Variants in SOCS6 observed in about 807,000 individuals in gnomAD.
SOCS6 encodes suppressor of cytokine signaling 6.
A neutral mutation model predicts 27.7 loss-of-function variants in SOCS6; 5 were observed. That is an observed-to-expected ratio of 0.18 (90% confidence interval 0.09 to 0.38). The LOEUF is 0.38. Ranked by LOEUF, SOCS6 falls within the 10% of genes least tolerant of loss-of-function variation. The probability of loss-of-function intolerance (pLI) is 1.00; values close to 1 mark genes in which losing one functional copy is unlikely to be tolerated. For missense variants in SOCS6, 595 were observed against 688.1 expected, an observed-to-expected ratio of 0.86 and a Z score of 1.51; for synonymous variants, 271 against 260.0, an observed-to-expected ratio of 1.04 and a Z score of -0.41.
chr18:70,325,819 G>A lies in SOCS6; in HGVS notation c.1151G>A (p.Trp384Ter). The A allele has an allele frequency of 6.2e-7, 1 of 1,614,232 alleles. No individual in the cohort carries two copies. Among genetic ancestry groups the A allele is most frequent in the East Asian group, 2.2e-5 (1 of 44,884 alleles). The change falls in exon 2 of 2, where the codon TGG becomes TAG. Residue 384 changes from tryptophan (W) to a stop codon, truncating the protein, a stop_gained. Transcript: ENST00000397942. LOFTEE classifies it high-confidence loss of function. This position sits in a 1 kb window ranked among gnomAD's most constrained non-coding sequence, Gnocchi z 6.3. ...CTGAAAAAACTTGCAAAGCAAGGAT[G>A]GTACTGGGGACCAATCACACGTTGG... ...EELKKLAKQG[W>*]YWGPITRWEA...
At chr18:70,312,341 T>C (rs2062394044) in intron 1 of SOCS6, among the ~76,000 whole-genome samples, 1 of 152,120 alleles carries the variant, frequency 6.6e-6, no homozygotes, top group Admixed American at 6.5e-5. Context: ...TTTCAATTAA[T>C]GCAATAAGGA....
chr18:70,293,927 C>T (rs937633699), intron 1 of SOCS6, among the ~76,000 whole-genome samples: 6 of 151,996 alleles, frequency 3.9e-5, no homozygotes, highest in Non-Finnish European at 7.4e-5. Context: ...CCCGTCTCTA[C>T]TAAAAATACA....
At position 70,325,456 on chromosome 18, in the gene SOCS6, C is replaced by G. The variant is rs1257960686; in HGVS notation, c.788C>G (p.Pro263Arg). The change falls in exon 2 of 2, where the codon CCC (proline) becomes CGC (arginine). Residue 263 changes from proline to arginine, a missense_variant. By Grantham distance (103) the Pro-to-Arg change is moderately radical. Around this residue, in one of 2 missense-constraint regions of SOCS6, gnomAD observed 467 missense variants for 481.1 expected, o/e 0.97. Coordinates refer to ENST00000397942, the MANE Select transcript of SOCS6 (RefSeq NM_004232.4). This position sits in a 1 kb window ranked among gnomAD's most constrained non-coding sequence, Gnocchi z 6.3. Reference protein sequence around the residue: ...VPPQVGGRAFPEDESQVDQDL... With the variant: ...VPPQVGGRAFREDESQVDQDL... ...CCTCAAGTGGGAGGGCGCGCTTTCC[C>G]CGAGGATGAGAGTCAGGTAGACCAG... 1 of 1,614,122 alleles carries G rather than the reference C, an allele frequency of 6.2e-7. No homozygotes were observed. The highest frequency in any genetic ancestry group is 8.5e-7 in the Non-Finnish European group (1 of 1,180,026).
At position 70,326,704 on chromosome 18, in the gene SOCS6, A is replaced by C. The variant is rs1911223759; in HGVS notation, c.*428A>C. ...TCTTTTTAAATGGTCCATTTTCAAAAGACAGTGTTGAATAAACATACCTGT... is the reference window on the plus strand; with the variant it reads ...TCTTTTTAAATGGTCCATTTTCAAACGACAGTGTTGAATAAACATACCTGT... On this transcript the variant is annotated 3_prime_UTR_variant, in exon 2 of 2. Coordinates refer to ENST00000397942, the MANE Select transcript of SOCS6 (RefSeq NM_004232.4). 1 of 182,718 alleles carries C rather than the reference A, an allele frequency of 5.5e-6. No homozygotes were observed. Among genetic ancestry groups the C allele is most frequent in the Non-Finnish European group, 1.3e-5 (1 of 76,500 alleles). The allele number at this position is 182,718 out of a possible 1,614,324, so 11.3% of individuals were successfully genotyped here.
At chr18:70,301,909 C>T (rs2062349846) in intron 1 of SOCS6, among the ~76,000 whole-genome samples, 1 of 152,116 alleles carries the variant, frequency 6.6e-6, no homozygotes, top group Non-Finnish European at 1.5e-5. Context: ...TGAATTCACG[C>T]TAGGCAAAGG....
At chr18:70,295,181 A>T (rs1330315713) in intron 1 of SOCS6, among the ~76,000 whole-genome samples, 2 of 152,240 alleles carry the variant, frequency 1.3e-5, no homozygotes, top group Non-Finnish European at 2.9e-5. Flanking sequence ...ACTTGTGCTT[A>T]AAATACCTTT....
In SOCS6 at chr18:70,311,475, GT is replaced by G. The variant is rs201595846; in HGVS notation, c.-126-13061del. Among the ~76,000 whole-genome samples, 3 of 152,196 alleles carry G rather than the reference GT, an allele frequency of 2.0e-5. No homozygotes were observed. In the South Asian group the frequency reaches 6.2e-4, roughly 32 times the overall value. The stretch of plus-strand genomic sequence containing the variant: ...CAAGTAACTGAAACACAGAGACAGG[GT>G]TTTTTTACTTAGAGTGCCTTATTTT... On this transcript the variant is annotated intron_variant, in intron 1 of 1. Coordinates refer to ENST00000397942, the MANE Select transcript of SOCS6 (RefSeq NM_004232.4).
Position 70,329,424 on chromosome 18 carries a change from A to G in SOCS6, c.*3148A>G, listed in dbSNP as rs1433239368. 6.0e-6 allele frequency: 1 copy of G among 167,126 alleles called. No individual in the cohort carries two copies. The highest frequency in any genetic ancestry group is 1.5e-5 in the Non-Finnish European group (1 of 68,116). The allele number at this position is 167,126 out of a possible 1,614,324, so 10.4% of individuals were successfully genotyped here. On this transcript the variant is annotated 3_prime_UTR_variant, in exon 2 of 2. Coordinates refer to ENST00000397942, the MANE Select transcript of SOCS6 (RefSeq NM_004232.4). ...ATTACTGAAACAGGATAAAAGTTATAAAATCTAACATAGGTTAATGCAATG... is the reference window on the plus strand; with the variant it reads ...ATTACTGAAACAGGATAAAAGTTATGAAATCTAACATAGGTTAATGCAATG...
At chr18:70,317,006 C>T (rs2062414123) in intron 1 of SOCS6, among the ~76,000 whole-genome samples, 1 of 151,482 alleles carries the variant, frequency 6.6e-6, no homozygotes, top group Admixed American at 6.6e-5. Context: ...ATACAAAGGC[C>T]CAGTTATTTT....
Position 70,324,791 on chromosome 18 carries a change from C to G in SOCS6, c.123C>G (p.Ser41=). The change falls in exon 2 of 2, where the codon TCC becomes TCG. Residue 41 remains serine, a synonymous_variant. Transcript: ENST00000397942. ...CCAGTGACTTTGGAAAAGATGATTC[C>G]TTATTTGGTAGCTGCTATGGTAAAG... The part of the protein sequence containing the change: ...SLASDFGKDD[S]LFGSCYGKDM... 6.2e-7 allele frequency: 1 copy of G among 1,614,122 alleles called. No individual in the cohort carries two copies. Among genetic ancestry groups the G allele is most frequent in the Non-Finnish European group, 8.5e-7 (1 of 1,180,026 alleles).
chr18:70,302,240 G>C (rs2062351220), intron 1 of SOCS6, among the ~76,000 whole-genome samples: 1 of 135,638 alleles, frequency 7.4e-6, no homozygotes, highest in Non-Finnish European at 1.6e-5. Context: ...GATGGGAGCC[G>C]AGTCCAAGGT....
intron 1 of SOCS6, among the ~76,000 whole-genome samples, chr18:70,292,100 G>T (rs545520484): frequency 1.3e-5 from 2 of 152,108 alleles, no homozygotes; most frequent in African/African-American, 4.8e-5. Flanking sequence ...ATTTTACTTC[G>T]TTGGGGCAGT....
chr18:70,322,361 T>A (rs987846773), intron 1 of SOCS6, among the ~76,000 whole-genome samples: 1 of 152,202 alleles, frequency 6.6e-6, no homozygotes, highest in African/African-American at 2.4e-5. Context: ...CTTTTATAGT[T>A]TGTAATGTCT....
chr18:70,292,521 T>A (rs987751871), intron 1 of SOCS6, among the ~76,000 whole-genome samples: 2 of 152,282 alleles, frequency 1.3e-5, no homozygotes, highest in African/African-American at 2.4e-5. Flanking sequence ...TGATTTTTTT[T>A]AATTTTTGGT....
intron 1 of SOCS6, among the ~76,000 whole-genome samples, chr18:70,319,215 T>C (rs1330015220): frequency 1.3e-5 from 2 of 152,186 alleles, no homozygotes; most frequent in Admixed American, 1.3e-4. Context: ...AATAGTGTTC[T>C]CACAGGTTTA....
intron 1 of SOCS6, among the ~76,000 whole-genome samples, chr18:70,313,183 C>T (rs891377695): frequency 1.3e-5 from 2 of 151,988 alleles, no homozygotes; most frequent in African/African-American, 2.4e-5. Flanking sequence ...TTCTTATTAC[C>T]TTTCTTCTTC....
chr18:70,309,750 C>A (rs1443546741), intron 1 of SOCS6, among the ~76,000 whole-genome samples: 2 of 152,160 alleles, frequency 1.3e-5, no homozygotes, highest in African/African-American at 4.8e-5. Flanking sequence ...GTGGCATGAT[C>A]TCAGCTCACT....
chr18:70,321,282 CAATA>C lies in SOCS6; in HGVS notation c.-126-3247_-126-3244del, dbSNP rs373807680. On this transcript the variant is annotated intron_variant, in intron 1 of 1. Coordinates refer to ENST00000397942, the MANE Select transcript of SOCS6 (RefSeq NM_004232.4). ...CAGCGAGACTCTGATTCTGTGTCTT[CAATA>C]AATAAATAAATAACAAATTTTCTCA... is the stretch of plus-strand genomic sequence containing the variant. 3.0e-3 allele frequency among the ~76,000 whole-genome samples: 402 copies of C among 136,122 alleles called. 3 individuals are homozygous for C. Among genetic ancestry groups the C allele is most frequent in the South Asian group, 0.015 (60 of 3,900 alleles). 89.3% of individuals were successfully genotyped at this position (136,122 alleles called of 152,430 possible).
rs113288245 is a variant in SOCS6 at position 70,325,402 on chromosome 18, C to G, written c.734C>G (p.Ser245Cys). 8.7e-6 allele frequency: 14 copies of G among 1,614,114 alleles called. No individual in the cohort carries two copies. The East Asian group carries it at 3.1e-4, about 36-fold the overall frequency. ...TCACGGAGCTATTGTCTGGACAGCTCTTCTCCCATGGAAGTCTCTGCGGTT... is the reference window on the plus strand; with the variant it reads ...TCACGGAGCTATTGTCTGGACAGCTGTTCTCCCATGGAAGTCTCTGCGGTT... ...EGSRSYCLDS[S>C]SPMEVSAVPP... The change falls in exon 2 of 2, where the codon TCT (serine) becomes TGT (cysteine). Residue 245 changes from serine to cysteine, a missense_variant. Ser to Cys is a moderately radical substitution (Grantham distance 112, BLOSUM62 -1). Transcript: ENST00000397942. This position sits in a 1 kb window ranked among gnomAD's most constrained non-coding sequence, Gnocchi z 6.3.
Sources: allele counts gnomAD v4.1 joint callset (sites outside exome capture counted in the v4.1 genomes callset), GRCh38; gene constraint gnomAD v4.1.1; regional missense constraint gnomAD v4.1.1; non-coding constraint Gnocchi (gnomAD v3.1); transcripts MANE v1.5; gene names NCBI Gene and HGNC (gene_info 2026-07-23, HGNC 2026-07-21).